The following TBC1D16 variants were observed in gnomAD, a reference collection of about 807,000 sequenced individuals.
The protein encoded by TBC1D16 is TBC1 domain family member 16.
A neutral mutation model predicts 74.7 loss-of-function variants in TBC1D16; 58 were observed. That is an observed-to-expected ratio of 0.78 (90% CI 0.63 to 0.97). The LOEUF (loss-of-function observed/expected upper bound fraction) is 0.97. TBC1D16 is among the 50% of genes least tolerant of loss of function. TBC1D16 has a pLI of 0.00. For missense variants in TBC1D16, 1,014 were observed against 1,079.5 expected (o/e 0.94, Z 0.85); for synonymous variants, 493 against 474.7 (o/e 1.04, Z -0.50).
chr17:79,959,726 A>T (rs1011303540), intron 3 of TBC1D16, among the ~76,000 whole-genome samples: 1 of 152,230 alleles, frequency 6.6e-6, no homozygotes, highest in Non-Finnish European at 1.5e-5. Context: ...AAAACGGATC[A>T]CGGACCTAGA....
At chr17:80,018,578 A>G (rs1245782044) in intron 1 of TBC1D16, among the ~76,000 whole-genome samples, 4 of 148,300 alleles carry the variant, frequency 2.7e-5, no homozygotes, top group African/African-American at 1.0e-4. Context: ...CACCGTGCCC[A>G]GCCTGAAAAA....
rs369109741 is a variant in TBC1D16 at position 79,950,595 on chromosome 17, C to T, written c.1090-17G>A. ...GGCGACCTGCTGGACGGGAGGAAAA[C>T]TGGGCAAAGGTCAGGATCTCAGCCG... On this transcript the variant is annotated splice_polypyrimidine_tract_variant and intron_variant, in intron 5 of 11. Coordinates refer to ENST00000310924, the MANE Select transcript of TBC1D16 (RefSeq NM_019020.4). This position sits in a 1 kb window ranked among gnomAD's most constrained non-coding sequence, Gnocchi z 4.6. The T allele has an allele frequency of 1.2e-6, 2 of 1,609,152 alleles. No homozygotes were observed. The highest frequency in any genetic ancestry group is 3.4e-5 in the Admixed American group (2 of 59,488).
Position 80,007,409 on chromosome 17 carries a change from A to G in TBC1D16, c.779+2751T>C, listed in dbSNP as rs1185312129. Among the ~76,000 whole-genome samples the G allele has an allele frequency of 6.6e-6, 1 of 152,220 alleles. No homozygotes were observed. The highest frequency in any genetic ancestry group is 1.5e-5 in the Non-Finnish European group (1 of 68,034). The stretch of plus-strand genomic sequence containing the variant: ...CATCTGCGTTTTGGATGTGGGAGGT[A>G]ATGGCCACAAGATCACACATAACTC... On this transcript the variant is annotated intron_variant, in intron 3 of 11. Coordinates refer to ENST00000310924, the MANE Select transcript of TBC1D16 (RefSeq NM_019020.4). The surrounding 1 kb of genome is among the most constrained non-coding windows in gnomAD (Gnocchi z 4.5).
In TBC1D16 at chr17:79,990,252, T is replaced by C. The variant is rs2035006642; in HGVS notation, c.779+19908A>G. ...GCAGCCGTAGCCCTCACAAGGCGTG[T>C]GCGGTGACGGGTCTCGGGCGCCCAG... On this transcript the variant is annotated intron_variant, in intron 3 of 11. Transcript: ENST00000310924. This position sits in a 1 kb window ranked among gnomAD's most constrained non-coding sequence, Gnocchi z 4.8. Among the ~76,000 whole-genome samples, 3 of 152,298 alleles carry C rather than the reference T, an allele frequency of 2.0e-5. No individual in the cohort carries two copies. The highest frequency in any genetic ancestry group is 1.3e-4 in the Admixed American group (2 of 15,304).
chr17:79,970,895 C>T (rs1453558759), intron 3 of TBC1D16, among the ~76,000 whole-genome samples: 1 of 99,784 alleles, frequency 1.0e-5, no homozygotes, highest in African/African-American at 4.6e-5. Flanking sequence ...GCAAAAACAG[C>T]GCCACCCTCT....
intron 3 of TBC1D16, among the ~76,000 whole-genome samples, chr17:79,973,628 TG>T (rs2034207592): frequency 1.3e-5 from 2 of 150,854 alleles, no homozygotes; most frequent in Admixed American, 1.3e-4. Context: ...AAGAATGGCA[TG>T]AACCCCAGAG....
rs768786287 is a variant in TBC1D16, at chr17:79,962,659, C to T, written c.780-9841G>A. Among the ~76,000 whole-genome samples the T allele has an allele frequency of 1.6e-4, 24 of 152,188 alleles. 1 individual carries two copies. The highest frequency in any genetic ancestry group is 3.9e-4 in the East Asian group (2 of 5,168). ...ATTAAACAATAGCTTCCAGGCCAGG[C>T]GCGGTGGCTCATGCCTGTAATTCCA... On this transcript the variant is annotated intron_variant, in intron 3 of 11. Transcript: ENST00000310924.
In TBC1D16 at chr17:79,950,489, G is replaced by C. The variant is rs1400543405; in HGVS notation, c.1179C>G (p.Tyr393Ter). 3 of 1,613,292 alleles carry C rather than the reference G, an allele frequency of 1.9e-6. No homozygotes were observed. The highest frequency in any genetic ancestry group is 2.5e-6 in the Non-Finnish European group (3 of 1,179,896). Residue 393 changes from tyrosine to a stop codon, truncating the protein, a stop_gained, in exon 6 of 12, where the codon TAC becomes TAG. Transcript: ENST00000310924. LOFTEE classifies it high-confidence loss of function. This position sits in a 1 kb window ranked among gnomAD's most constrained non-coding sequence, Gnocchi z 4.6. The stretch of plus-strand genomic sequence containing the variant: ...GCCAGGCGGAGACGCCGAGCCTCTT[G>C]TACATGCTCTCCTCGGGGTGCGTCT... ...SSETHPEESM[Y>*]KRLGVSAWLN... is the part of the protein sequence containing the mutation.
rs115585027 is a variant in TBC1D16, at chr17:79,996,841, C to T, written c.779+13319G>A. Among the ~76,000 whole-genome samples, 492 of 152,310 alleles carry T rather than the reference C, an allele frequency of 3.2e-3. 2 individuals carry two copies. Among genetic ancestry groups the T allele is most frequent in the African/African-American group, 0.011 (475 of 41,552 alleles). On this transcript the variant is annotated intron_variant, in intron 3 of 11. Coordinates refer to ENST00000310924, the MANE Select transcript of TBC1D16 (RefSeq NM_019020.4). Reference sequence around the variant, plus strand: ...GAAAACTTAGGTTCCAACAAAACCCCACACATGAATGTTCCTAGTAGCTTT... The same window carrying T: ...GAAAACTTAGGTTCCAACAAAACCCTACACATGAATGTTCCTAGTAGCTTT...
At chr17:79,960,740 G>A (rs963950643) in intron 3 of TBC1D16, among the ~76,000 whole-genome samples, 3 of 125,694 alleles carry the variant, frequency 2.4e-5, no homozygotes, top group African/African-American at 9.1e-5. Flanking sequence ...GAGCGACAGA[G>A]TGAGACTCTG....
At chr17:79,967,305 G>T (rs2033885633) in intron 3 of TBC1D16, among the ~76,000 whole-genome samples, 1 of 151,912 alleles carries the variant, frequency 6.6e-6, no homozygotes, top group Non-Finnish European at 1.5e-5. Context: ...AAAGGAAGAA[G>T]ATTGGAAAAA....
intron 3 of TBC1D16, among the ~76,000 whole-genome samples, chr17:79,999,139 C>T (rs911466993): frequency 2.6e-5 from 4 of 152,058 alleles, no homozygotes; most frequent in South Asian, 2.1e-4. Flanking sequence ...ACCTGTAGTC[C>T]CAGCTACTCG....
chr17:79,941,909 G>T lies in TBC1D16; in HGVS notation c.2055+151C>A, dbSNP rs983000562. The T allele has an allele frequency of 7.3e-6, 5 of 684,440 alleles. No homozygotes were observed. In the East Asian group the frequency reaches 1.1e-4, roughly 15 times the overall value. 42.4% of individuals were successfully genotyped at this position (684,440 alleles called of 1,614,324 possible). ...GTGGGGAGCCCCCAGTGCTATGGGT[G>T]GGGGAGGGCACGTGCTGGGGGGCCA... On this transcript the variant is annotated intron_variant, in intron 11 of 11. Coordinates refer to ENST00000310924, the MANE Select transcript of TBC1D16 (RefSeq NM_019020.4). This position sits in a 1 kb window ranked among gnomAD's most constrained non-coding sequence, Gnocchi z 4.3.
intron 3 of TBC1D16, among the ~76,000 whole-genome samples, chr17:79,995,416 C>T (rs1431180676): frequency 6.6e-6 from 1 of 152,090 alleles, no homozygotes; most frequent in African/African-American, 2.4e-5. Context: ...ACGCGGGAGT[C>T]ATTGCACATC....
At position 80,007,037 on chromosome 17, in the gene TBC1D16, T is replaced by C. The variant is rs1266546491; in HGVS notation, c.779+3123A>G. Among the ~76,000 whole-genome samples, 1 of 152,202 alleles carries C rather than the reference T, an allele frequency of 6.6e-6. No individual in the cohort carries two copies. The highest frequency in any genetic ancestry group is 1.5e-5 in the Non-Finnish European group (1 of 68,032). ...GAGACAGGCTGTTTTCACTCCAGCC[T>C]TGCACTGAAGCACACGCTTCTGGCG... On this transcript the variant is annotated intron_variant, in intron 3 of 11. Transcript: ENST00000310924. This position sits in a 1 kb window ranked among gnomAD's most constrained non-coding sequence, Gnocchi z 4.5.
Position 80,010,197 on chromosome 17 carries a change from C to T in TBC1D16, c.742G>A (p.Glu248Lys), listed in dbSNP as rs1382684766. The change falls in exon 3 of 12, where the codon GAG becomes AAG. Residue 248 changes from glutamate to lysine, a missense_variant. Coordinates refer to ENST00000310924, the MANE Select transcript of TBC1D16 (RefSeq NM_019020.4). This position sits in a 1 kb window ranked among gnomAD's most constrained non-coding sequence, Gnocchi z 8.8. ...CLSPISAALA[E>K]SRGSVFLESD... ...TCCAGAAACACGGAGCCGCGGCTCT[C>T]GGCCAGCGCCGCGCTGATGGGCGAG... The T allele has an allele frequency of 2.5e-6, 4 of 1,612,236 alleles. No homozygotes were observed. Among genetic ancestry groups the T allele is most frequent in the East Asian group, 2.2e-5 (1 of 44,848 alleles).
Position 79,936,903 on chromosome 17 carries a change from CATGTGCGT to C in TBC1D16, c.*3948_*3955del, listed in dbSNP as rs1018300182. 5.4e-5 allele frequency: 5 copies of C among 92,058 alleles called. No homozygotes were observed. Among genetic ancestry groups the C allele is most frequent in the African/African-American group, 1.4e-4 (3 of 21,932 alleles). The allele number at this position is 92,058 out of a possible 1,614,324, so 5.7% of individuals were successfully genotyped here. A position where few individuals can be genotyped will look rare whatever the true frequency, so the allele number is the denominator to read the frequency against. ...GTGTGTGTGCATGCGTGCGTGTGTG[CATGTGCGT>C]GTGTGTGTGTGTGTGTGTGTGTGTG... On this transcript the variant is annotated 3_prime_UTR_variant, in exon 12 of 12. Coordinates refer to ENST00000310924, the MANE Select transcript of TBC1D16 (RefSeq NM_019020.4).
intron 3 of TBC1D16, among the ~76,000 whole-genome samples, chr17:79,953,404 G>A (rs534172251): frequency 8.5e-4 from 129 of 152,328 alleles, no homozygotes; most frequent in Non-Finnish European, 1.6e-3. Context: ...CTGACTATGG[G>A]CCTGGCCCTG....
In TBC1D16 at chr17:80,008,589, T is replaced by G. The variant is rs1489931672; in HGVS notation, c.779+1571A>C. Among the ~76,000 whole-genome samples the G allele has an allele frequency of 2.6e-5, 4 of 151,982 alleles. No homozygotes were observed. The highest frequency in any genetic ancestry group is 5.9e-5 in the Non-Finnish European group (4 of 67,976). ...TTGGCCTGGCACCACCAGGGGGAGC[T>G]CCGACTGAGTCCGGCCTGCGGGACC... On this transcript the variant is annotated intron_variant, in intron 3 of 11. Coordinates refer to ENST00000310924, the MANE Select transcript of TBC1D16 (RefSeq NM_019020.4). The surrounding 1 kb of genome is among the most constrained non-coding windows in gnomAD (Gnocchi z 4.5).
Sources: allele counts gnomAD v4.1 joint callset (sites outside exome capture counted in the v4.1 genomes callset), GRCh38; gene constraint gnomAD v4.1.1; non-coding constraint Gnocchi (gnomAD v3.1); transcripts MANE v1.5; gene names NCBI Gene and HGNC (gene_info 2026-07-23, HGNC 2026-07-21).